The following SAMD12 variants were observed in gnomAD, a reference collection of about 807,000 sequenced individuals.
SAMD12 encodes sterile alpha motif domain containing 12, also known as sterile alpha motif domain-containing protein 12.
SAMD12 carries 9 observed loss-of-function variants against 15.0 expected under a neutral mutation model. The ratio of observed to expected loss-of-function variants is 0.60; its 90% CI spans 0.36 to 1.05. The LOEUF is 1.05. Among genes scored for constraint, SAMD12 ranks in the 50% least tolerant of loss-of-function variants. The pLI is 0.01. For synonymous variants in SAMD12, 86 were observed against 90.1 expected (o/e 0.96, Z 0.25); for missense variants, 230 against 234.2 (o/e 0.98, Z 0.12).
intron 3 of SAMD12, among the ~76,000 whole-genome samples, chr8:118,407,136 A>G (rs921045238): frequency 2.6e-5 from 4 of 152,164 alleles, no homozygotes; most frequent in African/African-American, 9.7e-5. Context: ...CCATGGGTGT[A>G]CAAATATTTC....
At chr8:118,145,427 T>C in the SAMD12 span, among the ~76,000 whole-genome samples, 1 of 152,218 alleles carries the variant, frequency 6.6e-6, no homozygotes, top group African/African-American at 2.4e-5. Context: ...TGTTGAACAC[T>C]ATCTTGAGTG....
At chr8:118,529,471 G>C (rs1825625616) in intron 2 of SAMD12, among the ~76,000 whole-genome samples, 1 of 152,152 alleles carries the variant, frequency 6.6e-6, no homozygotes, top group South Asian at 2.1e-4. Context: ...GTGAAGTCTG[G>C]GCTTTTGGTA....
At chr8:118,151,827 C>T in the SAMD12 span, among the ~76,000 whole-genome samples, 3 of 99,666 alleles carry the variant, frequency 3.0e-5, no homozygotes, top group African/African-American at 9.5e-5. Flanking sequence ...GAGACTCTGT[C>T]TCAAAAAAAA....
intron 3 of SAMD12, among the ~76,000 whole-genome samples, chr8:118,380,083 G>T (rs894897006): frequency 2.0e-5 from 3 of 152,206 alleles, no homozygotes; most frequent in Non-Finnish European, 4.4e-5. Context: ...GCCCACAGGA[G>T]CCCAAGTCAC....
the SAMD12 span, among the ~76,000 whole-genome samples, chr8:118,182,211 T>A: frequency 1.3e-5 from 2 of 152,186 alleles, no homozygotes; most frequent in African/African-American, 4.8e-5. Context: ...AAACTTGACA[T>A]CTCCTAAGGT....
At chr8:118,456,553 G>C (rs1254571443) in intron 2 of SAMD12, among the ~76,000 whole-genome samples, 1 of 152,188 alleles carries the variant, frequency 6.6e-6, no homozygotes, top group Non-Finnish European at 1.5e-5. Context: ...AGAAGCGAGA[G>C]TACAGAATAA....
Position 118,391,094 on chromosome 8 carries a change from C to T in SAMD12, c.323-11394G>A, listed in dbSNP as rs78553467. ...ATGTTAAAGGTTAAATATTCTACAG[C>T]GTTTGTTAGTACATGTGATTACCAA... is the stretch of plus-strand genomic sequence containing the variant. On this transcript the variant is annotated intron_variant, in intron 3 of 3. Coordinates refer to ENST00000314727, the MANE Select transcript of SAMD12 (RefSeq NM_207506.3). 8.2e-3 allele frequency among the ~76,000 whole-genome samples: 1,246 copies of T among 152,120 alleles called. 18 individuals carry two copies. The highest frequency in any genetic ancestry group is 0.028 in the African/African-American group (1,175 of 41,506).
intron 4 of SAMD12, among the ~76,000 whole-genome samples, chr8:118,289,132 ATT>A (rs1314430986): frequency 6.6e-6 from 1 of 152,186 alleles, no homozygotes; most frequent in East Asian, 1.9e-4. Context: ...TATGCACTTT[ATT>A]AATCACCTCA....
At chr8:118,208,196 G>T (rs1048147849) in intron 4 of SAMD12, among the ~76,000 whole-genome samples, 8 of 152,156 alleles carry the variant, frequency 5.3e-5, no homozygotes, top group Non-Finnish European at 1.0e-4. Context: ...GGCAGAGGTT[G>T]TGGTGAGCCG....
chr8:118,467,345 T>C (rs911031018), intron 2 of SAMD12, among the ~76,000 whole-genome samples: 2 of 152,206 alleles, frequency 1.3e-5, no homozygotes, highest in South Asian at 2.1e-4. Context: ...TCTCATAGGA[T>C]TGTTGAAGAA....
chr8:118,311,177 GC>G (rs1815612212), intron 4 of SAMD12, among the ~76,000 whole-genome samples: 2 of 152,182 alleles, frequency 1.3e-5, no homozygotes, highest in Non-Finnish European at 2.9e-5. Context: ...GGGAAAATCT[GC>G]AGCCTTCGAA....
intron 4 of SAMD12, among the ~76,000 whole-genome samples, chr8:118,232,905 C>T (rs2129930690): frequency 6.6e-6 from 1 of 152,118 alleles, no homozygotes. Flanking sequence ...CGGTACCAGC[C>T]CAATTCCAGC....
chr8:118,530,072 T>C (rs1174674368), intron 2 of SAMD12, among the ~76,000 whole-genome samples: 1 of 152,222 alleles, frequency 6.6e-6, no homozygotes, highest in Admixed American at 6.5e-5. Flanking sequence ...GCCATTCTGA[T>C]GGGTGTCACA....
In SAMD12 at chr8:118,214,985, A is replaced by T. The variant is rs562342993; in HGVS notation, c.434-17253T>A. On this transcript the variant is annotated intron_variant, in intron 4 of 4. Transcript: ENST00000409003. ...GCTAAGCTGCTACTGCAGTTGTTAC[A>T]CGTTAGGAGAATTTACTTGCAGCAC... Among the ~76,000 whole-genome samples the T allele has an allele frequency of 2.6e-3, 396 of 152,386 alleles. 1 individual carries two copies. Among genetic ancestry groups the T allele is most frequent in the Non-Finnish European group, 2.7e-3 (182 of 68,040 alleles).
At chr8:118,286,870 T>G (rs539808699) in intron 4 of SAMD12, among the ~76,000 whole-genome samples, 1 of 152,172 alleles carries the variant, frequency 6.6e-6, no homozygotes, top group South Asian at 2.1e-4. Context: ...GGGAATTTCA[T>G]CTGAAATCAC....
intron 2 of SAMD12, among the ~76,000 whole-genome samples, chr8:118,456,255 C>G (rs182331819): frequency 6.6e-6 from 1 of 152,268 alleles, no homozygotes; most frequent in African/African-American, 2.4e-5. Context: ...CTCAGATGTT[C>G]TTGTGGCTAG....
At chr8:118,549,659 C>A (rs1342498747) in intron 2 of SAMD12, among the ~76,000 whole-genome samples, 2 of 152,180 alleles carry the variant, frequency 1.3e-5, no homozygotes, top group Non-Finnish European at 2.9e-5. Context: ...TCCTCACCAG[C>A]AATGGAACAA....
intron 2 of SAMD12, among the ~76,000 whole-genome samples, chr8:118,516,681 C>A (rs6982778): frequency 0.38 from 56,456 of 148,990 alleles, 11,057 homozygotes; most frequent in Admixed American, 0.45. Flanking sequence ...GTCACCCAGG[C>A]TGGATGGAGT....
At chr8:118,536,507 C>A (rs1243365813) in intron 2 of SAMD12, among the ~76,000 whole-genome samples, 1 of 150,720 alleles carries the variant, frequency 6.6e-6, no homozygotes, top group African/African-American at 2.4e-5. Context: ...GAGGCCCAGA[C>A]TTATGTACCT....
Sources: gnomAD v4.1 joint callset for allele counts (sites outside exome capture counted in the v4.1 genomes callset) on GRCh38, gnomAD v4.1.1 for gene constraint, MANE v1.5 for transcripts, NCBI Gene and HGNC (gene_info 2026-07-23, HGNC 2026-07-21) for gene names.